Variants in ARHGAP35 observed in about 807,000 individuals in gnomAD.
ARHGAP35 encodes rho GTPase-activating protein 35.
In ARHGAP35, 15 loss-of-function variants were observed where a neutral mutation model predicts 111.1. The observed-to-expected ratio is 0.13, with a 90% CI of 0.09 to 0.21. ARHGAP35 has a LOEUF of 0.21. Ranked by LOEUF, ARHGAP35 falls within the 10% of genes least tolerant of loss-of-function variation. The pLI is 1.00. For missense variants in ARHGAP35, 1,262 were observed against 1,873.0 expected (o/e 0.67, Z 6.02); for synonymous variants, 643 against 710.3 (o/e 0.91, Z 1.51).
intron 1 of ARHGAP35, among the ~76,000 whole-genome samples, chr19:46,915,487 A>G (rs1189559516): frequency 6.6e-6 from 1 of 152,152 alleles, no homozygotes; most frequent in Non-Finnish European, 1.5e-5. Context: ...TGACCTTTTG[A>G]GGTTATCATC....
chr19:46,916,183 C>T (rs1272133465), intron 1 of ARHGAP35, among the ~76,000 whole-genome samples: 4 of 152,032 alleles, frequency 2.6e-5, no homozygotes, highest in Admixed American at 6.6e-5. Context: ...ATGCATCCGC[C>T]TCGGCCTCCC....
intron 3 of ARHGAP35, among the ~76,000 whole-genome samples, chr19:46,970,641 G>A (rs1014975704): frequency 2.6e-5 from 4 of 152,164 alleles, no homozygotes; most frequent in African/African-American, 7.2e-5. Context: ...CATTCACAGC[G>A]TTTGTGGAAA....
At chr19:46,873,242 G>T (rs1212752508) in intron 1 of ARHGAP35, among the ~76,000 whole-genome samples, 1 of 152,092 alleles carries the variant, frequency 6.6e-6, no homozygotes, top group African/African-American at 2.4e-5. Context: ...GAGATGAAGA[G>T]AATTCAAGTC....
chr19:46,991,321 T>G (rs1460105070), intron 5 of ARHGAP35, among the ~76,000 whole-genome samples: 1 of 152,226 alleles, frequency 6.6e-6, no homozygotes, highest in African/African-American at 2.4e-5. Context: ...TGCATTTGTC[T>G]TGACTTGGCG....
At chr19:46,861,593 G>A (rs2055828052) in intron 1 of ARHGAP35, among the ~76,000 whole-genome samples, 1 of 151,456 alleles carries the variant, frequency 6.6e-6, no homozygotes, top group African/African-American at 2.4e-5. Flanking sequence ...GCTCCTCCCG[G>A]GCTCTGCAGT....
intron 3 of ARHGAP35, among the ~76,000 whole-genome samples, chr19:46,968,943 C>T (rs543810481): frequency 2.6e-4 from 40 of 152,116 alleles, no homozygotes; most frequent in African/African-American, 9.4e-4. Context: ...AAAAATTAGC[C>T]GGGCGTAGTG....
At chr19:46,883,994 G>A (rs1179252820) in intron 1 of ARHGAP35, among the ~76,000 whole-genome samples, 2 of 152,172 alleles carry the variant, frequency 1.3e-5, no homozygotes, top group Non-Finnish European at 2.9e-5. Context: ...GGCGCAGGTT[G>A]CAGTGAGCCG....
chr19:46,939,371 A>T (rs2056330947), intron 3 of ARHGAP35, among the ~76,000 whole-genome samples: 1 of 109,538 alleles, frequency 9.1e-6, no homozygotes, highest in East Asian at 2.2e-4. Flanking sequence ...ATGCACCTTT[A>T]CATTTATTTA....
intron 3 of ARHGAP35, among the ~76,000 whole-genome samples, chr19:46,943,127 A>G (rs1459386384): frequency 6.6e-6 from 1 of 152,048 alleles, no homozygotes; most frequent in African/African-American, 2.4e-5. Context: ...GGCAGCCTCT[A>G]ACTCCTAGGC....
At chr19:46,900,419 C>T (rs758743113) in intron 1 of ARHGAP35, among the ~76,000 whole-genome samples, 3 of 152,122 alleles carry the variant, frequency 2.0e-5, no homozygotes, top group Non-Finnish European at 4.4e-5. Context: ...CGGAGTTTTG[C>T]CCTGTTGGCC....
At chr19:46,995,301 T>C (rs2056701501) in intron 5 of ARHGAP35, among the ~76,000 whole-genome samples, 2 of 152,144 alleles carry the variant, frequency 1.3e-5, no homozygotes, top group South Asian at 4.1e-4. Context: ...CTCAGGAGGC[T>C]GAGGCAGGAG....
chr19:46,893,227 G>A (rs1167505770), intron 1 of ARHGAP35, among the ~76,000 whole-genome samples: 1 of 152,316 alleles, frequency 6.6e-6, no homozygotes, highest in East Asian at 1.9e-4. Flanking sequence ...CCCTGAGTTA[G>A]GAAGCAGGAG....
rs11383795 is a variant in ARHGAP35, at chr19:46,983,606, C to CTTTTTTT, written c.3827-4364_3827-4358dup. Among the ~76,000 whole-genome samples the CTTTTTTT allele has an allele frequency of 7.1e-4, 49 of 69,268 alleles. 1 individual carries two copies. Among genetic ancestry groups the CTTTTTTT allele is most frequent in the African/African-American group, 1.5e-3 (25 of 16,712 alleles). 45.4% of individuals were successfully genotyped at this position (69,268 alleles called of 152,430 possible). A position where few individuals can be genotyped will look rare whatever the true frequency, so the allele number is the denominator to read the frequency against. ...TATTTGCCATTCTGTAATGTCCATT[C>CTTTTTTT]TTTTTTTTTTTTTTTTTTTTTTTTT... On this transcript the variant is annotated intron_variant, in intron 3 of 6. Coordinates refer to ENST00000672722, the MANE Select transcript of ARHGAP35 (RefSeq NM_004491.5).
chr19:46,881,070 G>A (rs764942830), intron 1 of ARHGAP35, among the ~76,000 whole-genome samples: 29 of 150,484 alleles, frequency 1.9e-4, no homozygotes, highest in Non-Finnish European at 4.0e-4. Context: ...TCAGCCTCCC[G>A]AGTAGCTGGG....
At chr19:46,864,313 C>G (rs2055844418) in intron 1 of ARHGAP35, among the ~76,000 whole-genome samples, 1 of 152,168 alleles carries the variant, frequency 6.6e-6, no homozygotes, top group African/African-American at 2.4e-5. Context: ...TCTGTCCAAC[C>G]ATTTTCCTTC....
At chr19:46,964,598 A>G (rs1335182738) in intron 3 of ARHGAP35, among the ~76,000 whole-genome samples, 1 of 152,154 alleles carries the variant, frequency 6.6e-6, no homozygotes, top group African/African-American at 2.4e-5. Context: ...TCCATAAGCC[A>G]ATCTCCCATT....
intron 3 of ARHGAP35, among the ~76,000 whole-genome samples, chr19:46,987,395 A>T (rs1176916101): frequency 1.3e-5 from 2 of 150,794 alleles, no homozygotes; most frequent in Admixed American, 6.6e-5. Context: ...TTGTATTTTT[A>T]GTAGAGATGG....
At chr19:46,862,520 C>G (rs1213618272) in intron 1 of ARHGAP35, among the ~76,000 whole-genome samples, 1 of 152,102 alleles carries the variant, frequency 6.6e-6, no homozygotes, top group Non-Finnish European at 1.5e-5. Context: ...GGTCACCCAT[C>G]CCCTTCCTGT....
At chr19:46,942,637 CAAAT>C (rs970729952) in intron 3 of ARHGAP35, among the ~76,000 whole-genome samples, 1 of 149,658 alleles carries the variant, frequency 6.7e-6, no homozygotes. Flanking sequence ...ACTCTGTCTC[CAAAT>C]AAATAAATAA....
Sources: gnomAD v4.1 joint callset for allele counts (sites outside exome capture counted in the v4.1 genomes callset) on GRCh38, gnomAD v4.1.1 for gene constraint, MANE v1.5 for transcripts, NCBI Gene and HGNC (gene_info 2026-07-23, HGNC 2026-07-21) for gene names.